The following TRAK1 variants were observed in gnomAD, a reference collection of about 807,000 sequenced individuals.
TRAK1 encodes the protein trafficking kinesin protein 1.
In TRAK1, 33 loss-of-function variants were observed where a neutral mutation model predicts 92.1. That is an observed-to-expected ratio of 0.36 (90% CI 0.27 to 0.48). The LOEUF (loss-of-function observed/expected upper bound fraction) is 0.48. TRAK1 is among the 20% of genes least tolerant of loss of function. The pLI, the probability that TRAK1 is intolerant of heterozygous loss-of-function variation, is 0.99. For missense variants in TRAK1, 1,123 were observed against 1,257.9 expected (o/e 0.89, Z 1.62); for synonymous variants, 521 against 517.3 (o/e 1.01, Z -0.10).
At chr3:42,154,071 T>C (rs186803707) in intron 2 of TRAK1, among the ~76,000 whole-genome samples, 38 of 152,368 alleles carry the variant, frequency 2.5e-4, no homozygotes, top group Non-Finnish European at 4.9e-4. Flanking sequence ...ACATAGGAGC[T>C]GAGGACTAGA....
At chr3:42,013,488 G>A (rs1483023876), upstream of TRAK1, among the ~76,000 whole-genome samples, 1 of 151,808 alleles carries the variant, frequency 6.6e-6, no homozygotes, top group Non-Finnish European at 1.5e-5. The surrounding 1 kb of genome is among the most constrained non-coding windows in gnomAD (Gnocchi z 5.1). Context: ...CGAGGAAGGC[G>A]GGGCGCGGCT....
chr3:42,146,051 T>C (rs912201578), intron 2 of TRAK1: 3 of 436,276 alleles, frequency 6.9e-6, no homozygotes, highest in Non-Finnish European at 1.4e-5. Context: ...CTTTGCTAAT[T>C]GGTTCTTCTG....
chr3:42,043,184 A>G (rs1322207359), intron 1 of TRAK1, among the ~76,000 whole-genome samples: 1 of 151,844 alleles, frequency 6.6e-6, no homozygotes, highest in Non-Finnish European at 1.5e-5. Context: ...ATTTCAAGGC[A>G]CTCAGCTGTC....
At chr3:42,169,928 C>G (rs1197073263) in intron 2 of TRAK1, among the ~76,000 whole-genome samples, 1 of 152,130 alleles carries the variant, frequency 6.6e-6, no homozygotes, top group Non-Finnish European at 1.5e-5. Context: ...TCTTTTTGGC[C>G]TGTGGGAAGA....
chr3:42,152,273 G>A (rs1051209566), intron 2 of TRAK1, among the ~76,000 whole-genome samples: 5 of 152,138 alleles, frequency 3.3e-5, no homozygotes, highest in Non-Finnish European at 5.9e-5. Flanking sequence ...GACATGGGAG[G>A]GGTTGATTAC....
chr3:42,209,937 C>G lies in TRAK1; in HGVS notation c.1915C>G (p.Leu639Val). 2 of 1,614,216 alleles carry G rather than the reference C, an allele frequency of 1.2e-6. No individual in the cohort carries two copies. The highest frequency in any genetic ancestry group is 2.2e-5 in the East Asian group (1 of 44,874). Residue 639 changes from leucine (L) to valine (V), a missense_variant, in exon 14 of 16, where the codon CTC becomes GTC. Physicochemically the swap from Leu to Val is conservative, Grantham distance 32. Transcript: ENST00000327628. ...EEDDTGDHIS[L>V]PRLATSTPVQ... ...AGATGACACAGGTGACCACATTTCT[C>G]TCCCACGCCTAGCTACCTCCACTCC...
chr3:42,140,991 G>A (rs1050311525), intron 2 of TRAK1, among the ~76,000 whole-genome samples: 26 of 152,188 alleles, frequency 1.7e-4, no homozygotes, highest in Non-Finnish European at 3.2e-4. Flanking sequence ...GGCCACATCG[G>A]GGCCTGGGCA....
intron 1 of TRAK1, among the ~76,000 whole-genome samples, chr3:42,056,019 C>A (rs1703192092): frequency 6.6e-6 from 1 of 152,146 alleles, no homozygotes; most frequent in Non-Finnish European, 1.5e-5. Flanking sequence ...TACTTCATTC[C>A]TTATTATTGC....
intron 1 of TRAK1, among the ~76,000 whole-genome samples, chr3:42,121,642 TG>T (rs934569659): frequency 6.6e-6 from 1 of 152,172 alleles, no homozygotes; most frequent in Non-Finnish European, 1.5e-5. Flanking sequence ...GCAAACATGG[TG>T]TCTCCTTCCA....
chr3:42,211,459 C>A, intron 14 of TRAK1: 1 of 985,294 alleles, frequency 1.0e-6, no homozygotes, highest in Non-Finnish European at 1.2e-6. Flanking sequence ...AAAAGAGAAA[C>A]CAGCTGCGGT....
At chr3:42,147,537 G>A (rs1428047314) in intron 2 of TRAK1, among the ~76,000 whole-genome samples, 1 of 152,208 alleles carries the variant, frequency 6.6e-6, no homozygotes, top group Non-Finnish European at 1.5e-5. Context: ...TGGTTCCACT[G>A]CAGCATGCGG....
At chr3:42,220,098 G>C (rs1287201495) in intron 15 of TRAK1, among the ~76,000 whole-genome samples, 1 of 152,126 alleles carries the variant, frequency 6.6e-6, no homozygotes, top group African/African-American at 2.4e-5. Flanking sequence ...CCCCAAGTTT[G>C]TCAGTAGAGC....
intron 1 of TRAK1, among the ~76,000 whole-genome samples, chr3:42,023,962 C>T (rs1044981666): frequency 2.0e-5 from 3 of 151,960 alleles, no homozygotes; most frequent in African/African-American, 4.8e-5. Flanking sequence ...GCCATGTTGG[C>T]CAGGCTGGTC....
chr3:42,205,577 A>G (rs1708239322), intron 13 of TRAK1, among the ~76,000 whole-genome samples: 1 of 152,228 alleles, frequency 6.6e-6, no homozygotes, highest in South Asian at 2.1e-4. Flanking sequence ...TAAAAAGACC[A>G]AGGCGGGCAG....
At position 42,218,370 on chromosome 3, in the gene TRAK1, C is replaced by T. The variant is rs548103239; in HGVS notation, c.1964-1124C>T. 6 of 981,922 alleles carry T rather than the reference C, an allele frequency of 6.1e-6. No homozygotes were observed. In the African/African-American group the frequency reaches 1.1e-4, roughly 18 times the overall value. The allele number at this position is 981,922 out of a possible 1,614,324, so 60.8% of individuals were successfully genotyped here. ...TTTGAATCTTCATGGCCTTTGAATCCTCATGGCCTCTGAAATCTGAATCAG... is the reference window on the plus strand; with the variant it reads ...TTTGAATCTTCATGGCCTTTGAATCTTCATGGCCTCTGAAATCTGAATCAG... On this transcript the variant is annotated intron_variant, in intron 14 of 15. Coordinates refer to ENST00000327628, the MANE Select transcript of TRAK1 (RefSeq NM_001042646.3).
chr3:42,184,277 C>T (rs748641434), intron 3 of TRAK1, among the ~76,000 whole-genome samples: 3 of 152,252 alleles, frequency 2.0e-5, no homozygotes, highest in Non-Finnish European at 4.4e-5. Context: ...TTTATTCATT[C>T]ATTCACTTAA....
At chr3:42,131,771 T>C (rs1451370628) in intron 2 of TRAK1, among the ~76,000 whole-genome samples, 2 of 149,212 alleles carry the variant, frequency 1.3e-5, no homozygotes, top group Admixed American at 6.7e-5. Flanking sequence ...AAAAATACAA[T>C]CCTTGGCCAG....
At chr3:42,094,044 C>T (rs1288007876) in intron 1 of TRAK1, among the ~76,000 whole-genome samples, 1 of 151,904 alleles carries the variant, frequency 6.6e-6, no homozygotes, top group Non-Finnish European at 1.5e-5. Flanking sequence ...AATCTTTGTT[C>T]ACCCCAAACT....
intron 1 of TRAK1, among the ~76,000 whole-genome samples, chr3:42,024,964 T>C (rs767975860): frequency 4.6e-5 from 7 of 152,234 alleles, no homozygotes; most frequent in Non-Finnish European, 8.8e-5. Context: ...TCTTGTCACT[T>C]TCTGCTAGGC....
Sources: allele counts gnomAD v4.1 joint callset (sites outside exome capture counted in the v4.1 genomes callset), GRCh38; gene constraint gnomAD v4.1.1; non-coding constraint Gnocchi (gnomAD v3.1); transcripts MANE v1.5; gene names NCBI Gene and HGNC (gene_info 2026-07-23, HGNC 2026-07-21).